Variants in KRABD5 observed in about 807,000 individuals in gnomAD.
The protein encoded by KRABD5 is KRAB domain containing 5.
At chr16:31,729,426 G>C in the KRABD5 span, among the ~76,000 whole-genome samples, 1 of 152,184 alleles carries the variant, frequency 6.6e-6, no homozygotes, top group African/African-American at 2.4e-5. Flanking sequence ...AAAGGCACGA[G>C]GGGGAGAGAG....
chr16:31,724,303 G>C, the KRABD5 span, among the ~76,000 whole-genome samples: 9 of 151,514 alleles, frequency 5.9e-5, no homozygotes, highest in Admixed American at 3.9e-4. Context: ...TTTTATATAT[G>C]TATACATTGT....
At chr16:31,744,476 A>C in the KRABD5 span, among the ~76,000 whole-genome samples, 1 of 152,336 alleles carries the variant, frequency 6.6e-6, no homozygotes, top group African/African-American at 2.4e-5. Context: ...GATGAATCCA[A>C]CTTGATCGTG....
At chr16:31,747,649 C>G in the KRABD5 span, among the ~76,000 whole-genome samples, 10 of 152,282 alleles carry the variant, frequency 6.6e-5, no homozygotes, top group Non-Finnish European at 1.3e-4. Context: ...TCTCCAGCAC[C>G]TGTTGTTTCC....
the KRABD5 span, chr16:31,754,508 A>G: frequency 4.4e-5 from 27 of 614,516 alleles, no homozygotes; most frequent in Middle Eastern, 2.5e-4. Flanking sequence ...CATAAGCCCC[A>G]GAAGACATCA....
the KRABD5 span, among the ~76,000 whole-genome samples, chr16:31,751,832 G>A: frequency 6.6e-6 from 1 of 151,996 alleles, no homozygotes; most frequent in African/African-American, 2.4e-5. Flanking sequence ...TCTTTTTCTA[G>A]TTTCTTTACA....
chr16:31,717,913 A>G, the KRABD5 span, among the ~76,000 whole-genome samples: 4 of 152,198 alleles, frequency 2.6e-5, no homozygotes, highest in Admixed American at 2.0e-4. Flanking sequence ...AATCCCTTCT[A>G]GAAGAGTTTG....
the KRABD5 span, chr16:31,757,459 C>CT: frequency 2.6e-5 from 4 of 152,166 alleles, no homozygotes; most frequent in Non-Finnish European, 4.4e-5. Flanking sequence ...GAGTGAGACT[C>CT]TGTCTATAAA....
the KRABD5 span, among the ~76,000 whole-genome samples, chr16:31,733,028 T>G: frequency 1.3e-5 from 2 of 152,168 alleles, no homozygotes; most frequent in Admixed American, 6.5e-5. Flanking sequence ...TAGGTTTCCT[T>G]AGATCAGTTA....
chr16:31,713,469 G>A, the KRABD5 span: 1 of 1,595,548 alleles, frequency 6.3e-7, no homozygotes, highest in Non-Finnish European at 8.6e-7. Flanking sequence ...CCCAGAAGAG[G>A]GAGAGGGGCG....
the KRABD5 span, chr16:31,759,716 G>C: frequency 2.4e-5 from 5 of 212,186 alleles, no homozygotes; most frequent in South Asian, 7.9e-5. Flanking sequence ...TACAATGTTA[G>C]CTCAGGATCT....
the KRABD5 span, among the ~76,000 whole-genome samples, chr16:31,728,640 C>A: frequency 4.0e-5 from 6 of 151,520 alleles, no homozygotes; most frequent in Non-Finnish European, 1.5e-5. Context: ...TATATCAGTG[C>A]AATCAGAAAA....
chr16:31,759,403 T>A, the KRABD5 span: 2 of 1,537,226 alleles, frequency 1.3e-6, no homozygotes, highest in Non-Finnish European at 1.8e-6. Context: ...AATCTCTGCT[T>A]GAGAAAAAGG....
At chr16:31,757,295 C>T in the KRABD5 span, 6 of 152,204 alleles carry the variant, frequency 3.9e-5, no homozygotes, top group East Asian at 7.7e-4. Flanking sequence ...GGTGATATCT[C>T]GTCTCTACTG....
At chr16:31,720,391 G>T in the KRABD5 span, among the ~76,000 whole-genome samples, 2 of 152,148 alleles carry the variant, frequency 1.3e-5, no homozygotes, top group African/African-American at 2.4e-5. Flanking sequence ...CCAATTCATG[G>T]AACTTTTCCA....
chr16:31,746,017 G>A, the KRABD5 span, among the ~76,000 whole-genome samples: 1 of 151,398 alleles, frequency 6.6e-6, no homozygotes, highest in Non-Finnish European at 1.5e-5. Flanking sequence ...ATGTGTCTTT[G>A]CACATGAGAT....
the KRABD5 span, among the ~76,000 whole-genome samples, chr16:31,724,357 CA>C: frequency 2.0e-5 from 3 of 151,994 alleles, no homozygotes; most frequent in African/African-American, 7.2e-5. Flanking sequence ...TTAATCATCT[CA>C]CATAGTTGCC....
the KRABD5 span, among the ~76,000 whole-genome samples, chr16:31,730,298 G>GTA: frequency 1.3e-5 from 2 of 151,736 alleles, no homozygotes; most frequent in African/African-American, 4.8e-5. Context: ...GCTTTGTTGT[G>GTA]TATAGCCTAC....
At chr16:31,722,848 A>G in the KRABD5 span, 1 of 1,341,244 alleles carries the variant, frequency 7.5e-7, no homozygotes, top group South Asian at 1.7e-5. Context: ...TATGCTTTAT[A>G]TGAATGAATT....
the KRABD5 span, among the ~76,000 whole-genome samples, chr16:31,751,431 A>G: frequency 6.6e-6 from 1 of 152,122 alleles, no homozygotes; most frequent in South Asian, 2.1e-4. Flanking sequence ...TTTGGTTGGT[A>G]AATTTTTTAT....
Sources: allele counts gnomAD v4.1 joint callset (sites outside exome capture counted in the v4.1 genomes callset), GRCh38; gene constraint gnomAD v4.1.1; transcripts MANE v1.5; gene names NCBI Gene and HGNC (gene_info 2026-07-23, HGNC 2026-07-21).